EFCAB5: variants seen among roughly 807,000 people sequenced by gnomAD.
The protein encoded by EFCAB5 is EF-hand calcium-binding domain-containing protein 5.
EFCAB5 carries 131 observed loss-of-function variants against 167.9 expected under a neutral mutation model. The observed-to-expected ratio is 0.78, with a 90% CI of 0.68 to 0.90. The LOEUF is 0.90. Among genes scored for constraint, EFCAB5 ranks in the 40% least tolerant of loss-of-function variants. The probability of loss-of-function intolerance (pLI) is 0.00; values close to 1 mark genes in which losing one functional copy is unlikely to be tolerated. For missense variants in EFCAB5, 1,663 were observed against 1,745.2 expected, an observed-to-expected ratio of 0.95 and a Z score of 0.84; for synonymous variants, 574 against 602.8, an observed-to-expected ratio of 0.95 and a Z score of 0.70.
intron 7 of EFCAB5, among the ~76,000 whole-genome samples, chr17:30,031,261 A>G (rs1427572100): frequency 1.3e-5 from 2 of 152,156 alleles, no homozygotes; most frequent in African/African-American, 4.8e-5. Flanking sequence ...TTGTTAAACT[A>G]TAGATTATTG....
At chr17:30,093,375 G>C (rs1287915119) in intron 22 of EFCAB5, among the ~76,000 whole-genome samples, 1 of 152,204 alleles carries the variant, frequency 6.6e-6, no homozygotes, top group Non-Finnish European at 1.5e-5. Context: ...CCACATATGA[G>C]AGTAAATATA....
intron 3 of EFCAB5, among the ~76,000 whole-genome samples, chr17:29,949,585 T>G (rs367829971): frequency 6.6e-6 from 1 of 152,238 alleles, no homozygotes; most frequent in East Asian, 1.9e-4. Flanking sequence ...CCAGTACATC[T>G]TTGAAACTAT....
chr17:30,063,826 C>T (rs2151803851), intron 14 of EFCAB5, among the ~76,000 whole-genome samples: 1 of 152,288 alleles, frequency 6.6e-6, no homozygotes, highest in African/African-American at 2.4e-5. Flanking sequence ...ACATCAAGGA[C>T]ATTAATAACA....
intron 3 of EFCAB5, among the ~76,000 whole-genome samples, chr17:29,945,902 A>G (rs2067388037): frequency 6.6e-6 from 1 of 152,208 alleles, no homozygotes. Context: ...TAACCTAGGA[A>G]AAACTCTTTT....
rs1438438058 is a variant in EFCAB5, at chr17:30,054,192, G to C, written c.2194+44G>C. 2.0e-6 allele frequency: 3 copies of C among 1,468,980 alleles called. No individual in the cohort carries two copies. The Admixed American group carries it at 8.4e-5, about 41-fold the overall frequency. The allele number at this position is 1,468,980 out of a possible 1,614,324, so 91.0% of individuals were successfully genotyped here. On this transcript the variant is annotated intron_variant, in intron 10 of 22. Transcript: ENST00000394835. The stretch of plus-strand genomic sequence containing the variant: ...TACAACATCAGTTCCCTGTTTTGTG[G>C]AATGGTTTTTAAAGTCTTTTCAGAA...
intron 2 of EFCAB5, among the ~76,000 whole-genome samples, chr17:29,943,332 C>T (rs9894893): frequency 0.49 from 74,575 of 151,776 alleles, 18,678 homozygotes; most frequent in East Asian, 0.69. Context: ...TTGTTAGTAA[C>T]AGGAAGATGT....
chr17:29,956,225 G>T (rs571001775), intron 3 of EFCAB5, among the ~76,000 whole-genome samples: 1 of 152,146 alleles, frequency 6.6e-6, no homozygotes, highest in Admixed American at 6.5e-5. Flanking sequence ...AATATACTAC[G>T]TAGCAATGAA....
upstream of EFCAB5, among the ~76,000 whole-genome samples, chr17:29,937,236 G>A (rs2067252763): frequency 6.6e-6 from 1 of 151,888 alleles, no homozygotes; most frequent in African/African-American, 2.4e-5. Context: ...GCCCAGGCTG[G>A]AGTGCAGTGG....
rs574069172 is a variant in EFCAB5, at chr17:30,053,264, T to C, written c.1310T>C (p.Ile437Thr). ...TTGTTTTCTGCATTAGGGCCATTCA[T>C]TGAATTTGAAGAGATAAACTTGACT... is the stretch of plus-strand genomic sequence containing the variant. ...LLRNPRQWPF[I>T]EFEEINLTEL... Residue 437 changes from isoleucine to threonine, a missense_variant, in exon 10 of 23, where the codon ATT becomes ACT. Transcript: ENST00000394835. 3 of 1,598,442 alleles carry C rather than the reference T, an allele frequency of 1.9e-6. No individual in the cohort carries two copies. In the African/African-American group the frequency reaches 4.0e-5, roughly 22 times the overall value.
chr17:29,947,383 C>A (rs549828635), intron 3 of EFCAB5, among the ~76,000 whole-genome samples: 2 of 151,630 alleles, frequency 1.3e-5, no homozygotes, highest in Non-Finnish European at 2.9e-5. Flanking sequence ...AAAGACATGC[C>A]GAGCGATATA....
intron 15 of EFCAB5, among the ~76,000 whole-genome samples, chr17:30,078,894 G>A (rs1337922539): frequency 2.6e-5 from 4 of 152,176 alleles, no homozygotes; most frequent in African/African-American, 9.7e-5. Flanking sequence ...AGTTTTAAAA[G>A]GAACTATTTA....
intron 14 of EFCAB5, among the ~76,000 whole-genome samples, chr17:30,062,954 CA>C (rs1485252539): frequency 4.6e-5 from 7 of 152,192 alleles, no homozygotes; most frequent in Non-Finnish European, 1.0e-4. Context: ...GTCACACCCC[CA>C]GCCCTGAGCT....
intron 7 of EFCAB5, among the ~76,000 whole-genome samples, chr17:30,014,067 C>A (rs9910622): frequency 0.62 from 94,466 of 152,022 alleles, 31,601 homozygotes; most frequent in African/African-American, 0.88. Flanking sequence ...TGTACCCAGT[C>A]GTCATTCAGG....
intron 3 of EFCAB5, among the ~76,000 whole-genome samples, chr17:29,962,814 G>C (rs1336453040): frequency 2.0e-5 from 3 of 151,914 alleles, no homozygotes. Context: ...TTGTCTTATA[G>C]CTCTGGCTAG....
At chr17:30,097,036 ACATATACATATACATATATATATATTT>A (rs2071308717) in intron 22 of EFCAB5, among the ~76,000 whole-genome samples, 1 of 108,116 alleles carries the variant, frequency 9.2e-6, no homozygotes, top group African/African-American at 5.0e-5. Context: ...ATATACATAT[ACATATACATATACATATATATATATTT>A]TTTTTTTTTT....
intron 14 of EFCAB5, chr17:30,068,781 C>T: frequency 7.4e-7 from 1 of 1,349,328 alleles, no homozygotes; most frequent in Non-Finnish European, 1.1e-6. Flanking sequence ...ACTTCTCCAG[C>T]CGGGCCCGCG....
Position 29,969,215 on chromosome 17 carries a change from A to C in EFCAB5, c.615A>C (p.Pro205=), listed in dbSNP as rs767980649. 1.1e-5 allele frequency: 18 copies of C among 1,613,808 alleles called. No individual in the cohort carries two copies. The highest frequency in any genetic ancestry group is 1.5e-5 in the Non-Finnish European group (18 of 1,179,852). ...KKKVLTEADT[P]SKFDPINYLG... is the part of the protein sequence containing the mutation. ...AGGTTTTGACAGAAGCTGATACTCC[A>C]AGCAAGTTTGACCCAATTAATTATT... Residue 205 remains proline (P), a synonymous_variant, in exon 4 of 23, where the codon CCA becomes CCC. Coordinates refer to ENST00000394835, the MANE Select transcript of EFCAB5 (RefSeq NM_198529.4).
upstream of EFCAB5, among the ~76,000 whole-genome samples, chr17:29,938,977 G>A (rs1216386580): frequency 6.6e-6 from 1 of 152,124 alleles, no homozygotes; most frequent in African/African-American, 2.4e-5. Flanking sequence ...CTTTCAAGAA[G>A]GTTTTCAATT....
chr17:29,938,386 T>G (rs1232417749), upstream of EFCAB5, among the ~76,000 whole-genome samples: 1 of 152,240 alleles, frequency 6.6e-6, no homozygotes, highest in Non-Finnish European at 1.5e-5. Context: ...TGCCTCGATG[T>G]TGATAGATGA....
Sources: allele counts gnomAD v4.1 joint callset (sites outside exome capture counted in the v4.1 genomes callset), GRCh38; gene constraint gnomAD v4.1.1; transcripts MANE v1.5; gene names NCBI Gene and HGNC (gene_info 2026-07-23, HGNC 2026-07-21).